Variants in MFSD6 observed in about 807,000 individuals in gnomAD.
MFSD6 encodes major facilitator superfamily domain containing 6, also known as major facilitator superfamily domain-containing protein 6.
A neutral mutation model predicts 56.3 loss-of-function variants in MFSD6; 26 were observed. The ratio of observed to expected loss-of-function variants is 0.46; its 90% confidence interval spans 0.34 to 0.64. The LOEUF (loss-of-function observed/expected upper bound fraction) is 0.64. MFSD6 is among the 30% of genes least tolerant of loss of function. The probability of loss-of-function intolerance (pLI) is 0.01; values close to 1 mark genes in which losing one functional copy is unlikely to be tolerated. For synonymous variants in MFSD6, 331 were observed against 366.9 expected, an observed-to-expected ratio of 0.90 and a Z score of 1.12; for missense variants, 750 against 986.2, an observed-to-expected ratio of 0.76 and a Z score of 3.21.
Position 190,499,857 on chromosome 2 carries a change from G to C in MFSD6, c.2173-158G>C, listed in dbSNP as rs1689932488. ...TTGCACATAGGAAAGGAGATGAAAGGTAAGACATTCTATCCTTATTCCTCT... is the reference window on the plus strand; with the variant it reads ...TTGCACATAGGAAAGGAGATGAAAGCTAAGACATTCTATCCTTATTCCTCT... On this transcript the variant is annotated intron_variant, in intron 7 of 7. Transcript: ENST00000392328. This position sits in a 1 kb window ranked among gnomAD's most constrained non-coding sequence, Gnocchi z 6.0. 6.5e-7 allele frequency: 1 copy of C among 1,549,074 alleles called. No homozygotes were observed. Among genetic ancestry groups the C allele is most frequent in the African/African-American group, 1.4e-5 (1 of 73,168 alleles).
chr2:190,455,606 C>A (rs1485945688), intron 3 of MFSD6, among the ~76,000 whole-genome samples: 1 of 152,068 alleles, frequency 6.6e-6, no homozygotes, highest in Non-Finnish European at 1.5e-5. Context: ...GCTTATCCTT[C>A]CTGTTTCAGA....
In MFSD6 at chr2:190,469,860, G is replaced by A. The variant is rs763089570; in HGVS notation, c.1630+5G>A. The A allele has an allele frequency of 1.9e-6, 3 of 1,575,968 alleles. No individual in the cohort carries two copies. The highest frequency in any genetic ancestry group is 2.7e-5 in the African/African-American group (2 of 73,946). On this transcript the variant is annotated splice_donor_5th_base_variant and intron_variant, in intron 4 of 7. Transcript: ENST00000392328. This position sits in a 1 kb window ranked among gnomAD's most constrained non-coding sequence, Gnocchi z 5.3. ...TCCCCATGGAAGTTCTTCAAGGTAA[G>A]TTAACAGCTGGGATTGAAATTATTT... is the stretch of plus-strand genomic sequence containing the variant.
At position 190,439,220 on chromosome 2, in the gene MFSD6, A is replaced by T. The variant is rs1348191323; in HGVS notation, c.1532+1659A>T. On this transcript the variant is annotated intron_variant, in intron 3 of 7. Transcript: ENST00000392328. This position sits in a 1 kb window ranked among gnomAD's most constrained non-coding sequence, Gnocchi z 5.8. ...TAATAATGTCTTTAAAATCACTGTT[A>T]TTCATTCCCAGAAAGGTACCCAGTT... Among the ~76,000 whole-genome samples the T allele has an allele frequency of 6.6e-6, 1 of 151,962 alleles. No individual in the cohort carries two copies. The highest frequency in any genetic ancestry group is 1.5e-5 in the Non-Finnish European group (1 of 68,022).
At position 190,410,882 on chromosome 2, in the gene MFSD6, C is replaced by A. The variant is rs1690532054; in HGVS notation, c.-176+2379C>A. Among the ~76,000 whole-genome samples, 1 of 151,856 alleles carries A rather than the reference C, an allele frequency of 6.6e-6. No homozygotes were observed. Among genetic ancestry groups the A allele is most frequent in the Non-Finnish European group, 1.5e-5 (1 of 67,984 alleles). Reference sequence around the variant, plus strand: ...ACCAGCCTGGCCAAGATGGTGAAATCCCACCTGTAATAAAAATACAAAAAT... The same window carrying A: ...ACCAGCCTGGCCAAGATGGTGAAATACCACCTGTAATAAAAATACAAAAAT... On this transcript the variant is annotated intron_variant, in intron 1 of 7. Coordinates refer to ENST00000392328, the MANE Select transcript of MFSD6 (RefSeq NM_017694.4). The surrounding 1 kb of genome is among the most constrained non-coding windows in gnomAD (Gnocchi z 4.4).
chr2:190,445,199 A>G (rs1172554654), intron 3 of MFSD6, among the ~76,000 whole-genome samples: 4 of 152,212 alleles, frequency 2.6e-5, no homozygotes, highest in African/African-American at 9.6e-5. Context: ...CATATTAAAG[A>G]GAATTACAGG....
chr2:190,481,830 A>ATGC (rs529640105), intron 4 of MFSD6, among the ~76,000 whole-genome samples: 3 of 152,200 alleles, frequency 2.0e-5, no homozygotes, highest in Non-Finnish European at 2.9e-5. Context: ...CAGAAGATCC[A>ATGC]TGCTGCTGCT....
At position 190,467,443 on chromosome 2, in the gene MFSD6, T is replaced by A. The variant is rs7567059; in HGVS notation, c.1533-2315T>A. 0.19 allele frequency among the ~76,000 whole-genome samples: 29,283 copies of A among 152,058 alleles called. 3,089 individuals carry two copies. The highest frequency in any genetic ancestry group is 0.31 in the East Asian group (1,580 of 5,166). On this transcript the variant is annotated intron_variant, in intron 3 of 7. Coordinates refer to ENST00000392328, the MANE Select transcript of MFSD6 (RefSeq NM_017694.4). This position sits in a 1 kb window ranked among gnomAD's most constrained non-coding sequence, Gnocchi z 5.5. ...GCCTGGCCAACATGGCAAAACCTCG[T>A]CTCTACTAAAAATACAAAAATTAGC... is the stretch of plus-strand genomic sequence containing the variant.
Position 190,454,391 on chromosome 2 carries a change from G to A in MFSD6, c.1533-15367G>A, listed in dbSNP as rs1686903389. Reference sequence around the variant, plus strand: ...ATATATTCAAGTCCTGACCCCCAATGTGATGCTATTTAGAGATGGGATCTT... The same window carrying A: ...ATATATTCAAGTCCTGACCCCCAATATGATGCTATTTAGAGATGGGATCTT... On this transcript the variant is annotated intron_variant, in intron 3 of 7. Coordinates refer to ENST00000392328, the MANE Select transcript of MFSD6 (RefSeq NM_017694.4). The surrounding 1 kb of genome is among the most constrained non-coding windows in gnomAD (Gnocchi z 4.6). 1 of 152,194 alleles carries A rather than the reference G, an allele frequency of 6.6e-6. No individual in the cohort carries two copies. The highest frequency in any genetic ancestry group is 2.4e-5 in the African/African-American group (1 of 41,422). 9.4% of individuals were successfully genotyped at this position (152,194 alleles called of 1,614,324 possible). A position where few individuals can be genotyped will look rare whatever the true frequency, so the allele number is the denominator to read the frequency against.
chr2:190,450,020 T>C (rs1292002688), intron 3 of MFSD6, among the ~76,000 whole-genome samples: 1 of 151,550 alleles, frequency 6.6e-6, no homozygotes, highest in Non-Finnish European at 1.5e-5. Flanking sequence ...ATAATAATAA[T>C]AAAATAAAAT....
intron 3 of MFSD6, among the ~76,000 whole-genome samples, chr2:190,453,344 A>T (rs187466922): frequency 7.0e-4 from 107 of 152,166 alleles, no homozygotes; most frequent in African/African-American, 2.4e-3. Context: ...TTTCTATGAG[A>T]TGGGGAGGAT....
At position 190,469,607 on chromosome 2, in the gene MFSD6, G is replaced by T; in HGVS notation, c.1533-151G>T. On this transcript the variant is annotated intron_variant, in intron 3 of 7. Coordinates refer to ENST00000392328, the MANE Select transcript of MFSD6 (RefSeq NM_017694.4). This position sits in a 1 kb window ranked among gnomAD's most constrained non-coding sequence, Gnocchi z 5.3. ...TGTCCTTCAGTTTTCCCACTCCTGA[G>T]TTTGGAGTCTGCTGGATGATGGGTG... 2.7e-6 allele frequency: 1 copy of T among 373,652 alleles called. No individual in the cohort carries two copies. The highest frequency in any genetic ancestry group is 4.4e-5 in the Admixed American group (1 of 22,592). The allele number at this position is 373,652 out of a possible 1,614,324, so 23.1% of individuals were successfully genotyped here.
In MFSD6 at chr2:190,488,838, T is replaced by C; in HGVS notation, c.1792+20T>C. On this transcript the variant is annotated intron_variant, in intron 5 of 7. Coordinates refer to ENST00000392328, the MANE Select transcript of MFSD6 (RefSeq NM_017694.4). The surrounding 1 kb of genome is among the most constrained non-coding windows in gnomAD (Gnocchi z 6.4). ...ATTTTGGTAAGAATGGCTTTCTCCT[T>C]TTTTTTCTTTTCTATTATTAAAACA... 6.6e-7 allele frequency: 1 copy of C among 1,517,636 alleles called. No homozygotes were observed. The highest frequency in any genetic ancestry group is 8.8e-7 in the Non-Finnish European group (1 of 1,132,634). The allele number at this position is 1,517,636 out of a possible 1,614,324, so 94.0% of individuals were successfully genotyped here.
At chr2:190,477,417 AATAC>A in intron 4 of MFSD6, 10 of 930,006 alleles carry the variant, frequency 1.1e-5, no homozygotes, top group Non-Finnish European at 1.3e-5. Context: ...ATATTATAAT[AATAC>A]ATGCATATAA....
intron 1 of MFSD6, among the ~76,000 whole-genome samples, chr2:190,408,776 C>T (rs1220535721): frequency 6.6e-6 from 1 of 151,910 alleles, no homozygotes; most frequent in African/African-American, 2.4e-5. Flanking sequence ...GCCTGCGCCC[C>T]CAGCGCGCCC....
chr2:190,441,395 T>C (rs1574114467), intron 3 of MFSD6, among the ~76,000 whole-genome samples: 1 of 151,786 alleles, frequency 6.6e-6, no homozygotes, highest in South Asian at 2.1e-4. Context: ...AGCTTCCTAG[T>C]TGATTCTAGT....
chr2:190,411,843 G>C (rs1690578128), intron 1 of MFSD6: 49 of 985,208 alleles, frequency 5.0e-5, no homozygotes, highest in Admixed American at 6.2e-5. Flanking sequence ...ATGCTTTGGA[G>C]CATACACAAT....
intron 3 of MFSD6, among the ~76,000 whole-genome samples, chr2:190,460,600 C>T (rs1687275538): frequency 6.6e-6 from 1 of 152,184 alleles, no homozygotes; most frequent in African/African-American, 2.4e-5. Flanking sequence ...ATATGAAAGT[C>T]CTCACCCTGC....
At position 190,458,750 on chromosome 2, in the gene MFSD6, G is replaced by C. The variant is rs1011172906; in HGVS notation, c.1533-11008G>C. ...CCCAGAGAAGCTTAAGTAAAATGGGGACTGTATTGTCCAATTGAGAAGTCC... is the reference window on the plus strand; with the variant it reads ...CCCAGAGAAGCTTAAGTAAAATGGGCACTGTATTGTCCAATTGAGAAGTCC... On this transcript the variant is annotated intron_variant, in intron 3 of 7. Coordinates refer to ENST00000392328, the MANE Select transcript of MFSD6 (RefSeq NM_017694.4). This position sits in a 1 kb window ranked among gnomAD's most constrained non-coding sequence, Gnocchi z 5.3. Among the ~76,000 whole-genome samples the C allele has an allele frequency of 1.3e-5, 2 of 152,174 alleles. No individual in the cohort carries two copies. The highest frequency in any genetic ancestry group is 2.9e-5 in the Non-Finnish European group (2 of 68,034).
At chr2:190,427,757 G>C (rs1438535784) in intron 2 of MFSD6, among the ~76,000 whole-genome samples, 2 of 150,384 alleles carry the variant, frequency 1.3e-5, no homozygotes, top group Non-Finnish European at 3.0e-5. Flanking sequence ...TTGAGACAGA[G>C]TTTCACTCTT....
Sources: gnomAD v4.1 joint callset for allele counts (sites outside exome capture counted in the v4.1 genomes callset) on GRCh38, gnomAD v4.1.1 for gene constraint, Gnocchi (gnomAD v3.1) non-coding constraint, MANE v1.5 for transcripts, NCBI Gene and HGNC (gene_info 2026-07-23, HGNC 2026-07-21) for gene names.